Variants in TMEM178B observed in about 807,000 individuals in gnomAD.
TMEM178B encodes transmembrane protein 178B.
In TMEM178B, 5 loss-of-function variants were observed where a neutral mutation model predicts 31.0. That is an observed-to-expected ratio of 0.16 (90% CI 0.08 to 0.34). The LOEUF (loss-of-function observed/expected upper bound fraction) is 0.34, where lower values mean the gene tolerates loss of function less well. Among genes scored for constraint, TMEM178B ranks in the 10% least tolerant of loss-of-function variants. The pLI, the probability that TMEM178B is intolerant of heterozygous loss-of-function variation, is 1.00. For synonymous variants in TMEM178B, 164 were observed against 164.0 expected (o/e 1.00, Z 0.00); for missense variants, 275 against 400.3 (o/e 0.69, Z 2.67).
chr7:141,395,339 G>A (rs1254309182), intron 2 of TMEM178B, among the ~76,000 whole-genome samples: 1 of 152,188 alleles, frequency 6.6e-6, no homozygotes, highest in Non-Finnish European at 1.5e-5. Context: ...CACTTGGGAG[G>A]CTGAGGCAGG....
In TMEM178B at chr7:141,397,803, C is replaced by G. The variant is rs567448220; in HGVS notation, c.497-39805C>G. Among the ~76,000 whole-genome samples, 100 of 152,326 alleles carry G rather than the reference C, an allele frequency of 6.6e-4. 1 individual carries two copies. In the South Asian group the frequency reaches 0.019, roughly 29 times the overall value. On this transcript the variant is annotated intron_variant, in intron 2 of 3. Transcript: ENST00000565468. ...TATTCCAATTCCTCATGTGTAATGA[C>G]AAGAATGCATCTCTTCGCCCACCCG... is the stretch of plus-strand genomic sequence containing the variant.
intron 2 of TMEM178B, among the ~76,000 whole-genome samples, chr7:141,223,672 T>C (rs577769902): frequency 1.1e-4 from 17 of 152,138 alleles, no homozygotes; most frequent in Non-Finnish European, 1.9e-4. Flanking sequence ...GTGGTACTTA[T>C]CTTGTTTCAC....
At chr7:141,316,902 G>A (rs768157258) in intron 2 of TMEM178B, among the ~76,000 whole-genome samples, 10 of 152,184 alleles carry the variant, frequency 6.6e-5, no homozygotes, top group Admixed American at 6.5e-5. Flanking sequence ...CTCTCCTGCA[G>A]TTTTGGATGC....
intron 2 of TMEM178B, among the ~76,000 whole-genome samples, chr7:141,389,419 A>T (rs2116601447): frequency 6.6e-6 from 1 of 152,296 alleles, no homozygotes; most frequent in Admixed American, 6.5e-5. Flanking sequence ...CCAGGCCTAG[A>T]CTTCCATTTG....
intron 2 of TMEM178B, among the ~76,000 whole-genome samples, chr7:141,335,897 A>G (rs938984322): frequency 2.0e-5 from 3 of 152,142 alleles, no homozygotes; most frequent in Non-Finnish European, 4.4e-5. Flanking sequence ...TCTCTGGGAA[A>G]AGGAAGCCGG....
intron 2 of TMEM178B, among the ~76,000 whole-genome samples, chr7:141,287,391 T>A (rs1482408734): frequency 6.6e-6 from 1 of 152,228 alleles, no homozygotes; most frequent in African/African-American, 2.4e-5. Flanking sequence ...TAATTTGTAG[T>A]GACTTGGTGG....
chr7:141,116,203 T>C (rs943257821), intron 1 of TMEM178B, among the ~76,000 whole-genome samples: 1 of 152,168 alleles, frequency 6.6e-6, no homozygotes, highest in Admixed American at 6.5e-5. Context: ...GCCTCTGTTC[T>C]CATTAGCCAG....
At chr7:141,335,981 G>T (rs994411228) in intron 2 of TMEM178B, among the ~76,000 whole-genome samples, 1 of 152,174 alleles carries the variant, frequency 6.6e-6, no homozygotes, top group African/African-American at 2.4e-5. Context: ...ATGCTTCACA[G>T]CTTTAGATCA....
chr7:141,134,565 C>T (rs1397869971), intron 1 of TMEM178B, among the ~76,000 whole-genome samples: 1 of 151,838 alleles, frequency 6.6e-6, no homozygotes, highest in Non-Finnish European at 1.5e-5. Context: ...CAAATGTTAC[C>T]AATACAAAAA....
intron 2 of TMEM178B, among the ~76,000 whole-genome samples, chr7:141,435,516 G>T (rs534022347): frequency 6.6e-6 from 1 of 152,160 alleles, no homozygotes; most frequent in African/African-American, 2.4e-5. Flanking sequence ...AGAGTCTCTT[G>T]TGGTGGTGGG....
intron 3 of TMEM178B, among the ~76,000 whole-genome samples, chr7:141,455,776 T>C (rs1248439592): frequency 6.6e-6 from 1 of 152,254 alleles, no homozygotes; most frequent in Non-Finnish European, 1.5e-5. Context: ...GGTGACAGCA[T>C]GCAAAATTCA....
At chr7:141,229,542 A>G (rs2129191275) in intron 2 of TMEM178B, among the ~76,000 whole-genome samples, 1 of 152,292 alleles carries the variant, frequency 6.6e-6, no homozygotes, top group South Asian at 2.1e-4. Flanking sequence ...CCTGATCATT[A>G]AGATGAAACA....
At chr7:141,436,311 G>A (rs559607235) in intron 2 of TMEM178B, among the ~76,000 whole-genome samples, 2 of 151,956 alleles carry the variant, frequency 1.3e-5, no homozygotes, top group East Asian at 1.9e-4. Flanking sequence ...AGCAGCTGGT[G>A]TGCTTGCACG....
At chr7:141,253,544 C>CTTTTTTTTTTTTT (rs34199017) in intron 2 of TMEM178B, among the ~76,000 whole-genome samples, 2 of 70,042 alleles carry the variant, frequency 2.9e-5, no homozygotes, top group Non-Finnish European at 5.1e-5. Flanking sequence ...ATTTTCCCTT[C>CTTTTTTTTTTTTT]TTTTTTTTTT....
chr7:141,264,466 G>A (rs1245166602), intron 2 of TMEM178B, among the ~76,000 whole-genome samples: 4 of 152,230 alleles, frequency 2.6e-5, no homozygotes, highest in African/African-American at 9.6e-5. Context: ...TGGCAGTCAT[G>A]GAAATGGAAG....
intron 1 of TMEM178B, among the ~76,000 whole-genome samples, chr7:141,079,185 G>A (rs1230585415): frequency 6.6e-6 from 1 of 152,184 alleles, no homozygotes; most frequent in Non-Finnish European, 1.5e-5. Context: ...TACTCAGGAG[G>A]CTGAGGCAGG....
chr7:141,190,531 G>A (rs559516334), intron 1 of TMEM178B, among the ~76,000 whole-genome samples: 47 of 151,624 alleles, frequency 3.1e-4, no homozygotes, highest in Non-Finnish European at 1.3e-4. Flanking sequence ...GGCTGGTCTT[G>A]AACTCCTGGG....
Position 141,479,304 on chromosome 7 carries a change from T to G in TMEM178B, c.*8518T>G, listed in dbSNP as rs954625592. ...TATTTGGAGCTGTTTTCTGAATCCC[T>G]TAATTTTCTTAAATATTTATCTTAA... is the stretch of plus-strand genomic sequence containing the variant. On this transcript the variant is annotated 3_prime_UTR_variant, in exon 4 of 4. Transcript: ENST00000565468. The G allele has an allele frequency of 6.6e-6, 1 of 152,208 alleles. No homozygotes were observed. Among genetic ancestry groups the G allele is most frequent in the African/African-American group, 2.4e-5 (1 of 41,458 alleles). 9.4% of individuals were successfully genotyped at this position (152,208 alleles called of 1,614,324 possible). A position where few individuals can be genotyped will look rare whatever the true frequency, so the allele number is the denominator to read the frequency against.
chr7:141,193,232 C>T (rs965727400), intron 1 of TMEM178B, among the ~76,000 whole-genome samples: 4 of 152,330 alleles, frequency 2.6e-5, no homozygotes, highest in South Asian at 2.1e-4. Context: ...TGGCCAGGCT[C>T]GTGCAGCACC....
Sources: allele counts gnomAD v4.1 joint callset (sites outside exome capture counted in the v4.1 genomes callset), GRCh38; gene constraint gnomAD v4.1.1; transcripts MANE v1.5; gene names NCBI Gene and HGNC (gene_info 2026-07-23, HGNC 2026-07-21).